Variants in SLC10A7 observed in about 807,000 individuals in gnomAD.
SLC10A7 encodes the protein sodium/bile acid cotransporter 7.
A neutral mutation model predicts 43.2 loss-of-function variants in SLC10A7; 29 were observed. That is an observed-to-expected ratio of 0.67 (90% confidence interval 0.50 to 0.92). SLC10A7 has a LOEUF of 0.92. Among genes scored for constraint, SLC10A7 ranks in the 40% least tolerant of loss-of-function variants. SLC10A7 has a pLI of 0.00. For missense variants in SLC10A7, 295 were observed against 403.2 expected (o/e 0.73, Z 2.30); for synonymous variants, 152 against 144.8 (o/e 1.05, Z -0.35).
At chr4:146,346,085 G>A (rs1320860272) in intron 5 of SLC10A7, among the ~76,000 whole-genome samples, 1 of 152,056 alleles carries the variant, frequency 6.6e-6, no homozygotes, top group Non-Finnish European at 1.5e-5. Flanking sequence ...TTGTCTTATG[G>A]ATGAAAAAGC....
intron 6 of SLC10A7, among the ~76,000 whole-genome samples, chr4:146,309,420 A>G (rs1731808222): frequency 6.6e-6 from 1 of 152,042 alleles, no homozygotes; most frequent in African/African-American, 2.4e-5. Context: ...TAAAACACAG[A>G]CTGATTTTGC....
intron 4 of SLC10A7, among the ~76,000 whole-genome samples, chr4:146,497,083 G>A (rs1230073124): frequency 6.6e-6 from 1 of 152,102 alleles, no homozygotes; most frequent in Non-Finnish European, 1.5e-5. Flanking sequence ...AGATTCTTGA[G>A]GCCCATCCAC....
chr4:146,316,294 A>T lies in SLC10A7; in HGVS notation c.471+9667T>A, dbSNP rs191630719. ...TTGAAAGCACTCTCGGTCCATGATA[A>T]TCTGAATGTTTCTGTGCCCCTAAAA... On this transcript the variant is annotated intron_variant, in intron 6 of 11. Coordinates refer to ENST00000335472, the MANE Select transcript of SLC10A7 (RefSeq NM_001029998.6). 3.9e-3 allele frequency among the ~76,000 whole-genome samples: 598 copies of T among 152,192 alleles called. 1 individual carries two copies. The highest frequency in any genetic ancestry group is 0.013 in the African/African-American group (558 of 41,542).
chr4:146,415,928 G>T (rs752719345), intron 5 of SLC10A7, among the ~76,000 whole-genome samples: 3 of 152,140 alleles, frequency 2.0e-5, no homozygotes, highest in Admixed American at 6.5e-5. Flanking sequence ...AGTGAGGAAA[G>T]CTCCCTAGCC....
chr4:146,476,865 G>A (rs1235881255), intron 4 of SLC10A7, among the ~76,000 whole-genome samples: 1 of 151,962 alleles, frequency 6.6e-6, no homozygotes, highest in Non-Finnish European at 1.5e-5. Context: ...CACAGTGGGG[G>A]AAGCCAGTAG....
intron 5 of SLC10A7, among the ~76,000 whole-genome samples, chr4:146,403,440 T>C (rs2149819710): frequency 6.6e-6 from 1 of 152,258 alleles, no homozygotes; most frequent in East Asian, 1.9e-4. Flanking sequence ...ACACTTTGCT[T>C]ATCTTGGCCA....
rs140037208 is a variant in SLC10A7 at position 146,388,632 on chromosome 4, G to T, written c.435+54151C>A. Among the ~76,000 whole-genome samples the T allele has an allele frequency of 5.0e-3, 758 of 151,958 alleles. 8 individuals are homozygous for T. The highest frequency in any genetic ancestry group is 0.017 in the African/African-American group (704 of 41,460). On this transcript the variant is annotated intron_variant, in intron 5 of 11. Coordinates refer to ENST00000335472, the MANE Select transcript of SLC10A7 (RefSeq NM_001029998.6). ...AAATTAGCTGGGCGTGGTGGTGCGC[G>T]CCTGTAGTCCCAGCTACTCAAGAGG...
chr4:146,282,655 A>G (rs1729625205), intron 10 of SLC10A7, among the ~76,000 whole-genome samples: 1 of 152,220 alleles, frequency 6.6e-6, no homozygotes, highest in African/African-American at 2.4e-5. Flanking sequence ...TGTCCATTAA[A>G]TAAATACTTA....
At chr4:146,491,081 G>A (rs1735348340) in intron 4 of SLC10A7, among the ~76,000 whole-genome samples, 1 of 152,188 alleles carries the variant, frequency 6.6e-6, no homozygotes, top group South Asian at 2.1e-4. Context: ...TGGAAGAAAA[G>A]ACTAATTCTG....
At chr4:146,429,690 C>T (rs1007667331) in intron 5 of SLC10A7, among the ~76,000 whole-genome samples, 2 of 152,088 alleles carry the variant, frequency 1.3e-5, no homozygotes, top group Non-Finnish European at 2.9e-5. Context: ...TAACCCATTA[C>T]AATCTAGATG....
rs963566585 is a variant in SLC10A7, at chr4:146,255,096, G to T, written c.*1395C>A. The T allele has an allele frequency of 6.6e-6, 1 of 152,240 alleles. No individual in the cohort carries two copies. The highest frequency in any genetic ancestry group is 2.4e-5 in the African/African-American group (1 of 41,438). 9.4% of individuals were successfully genotyped at this position (152,240 alleles called of 1,614,324 possible). A position where few individuals can be genotyped will look rare whatever the true frequency, so the allele number is the denominator to read the frequency against. On this transcript the variant is annotated 3_prime_UTR_variant, in exon 12 of 12. Coordinates refer to ENST00000335472, the MANE Select transcript of SLC10A7 (RefSeq NM_001029998.6). ...AAAACAGCTGCTGAGGACATAGCAC[G>T]GCCTCAGTGAGACCCAGGATGCCAA...
Position 146,254,074 on chromosome 4 carries a change from T to C in SLC10A7, c.*2417A>G, listed in dbSNP as rs1389743381. 1 of 152,162 alleles carries C rather than the reference T, an allele frequency of 6.6e-6. No individual in the cohort carries two copies. The highest frequency in any genetic ancestry group is 1.5e-5 in the Non-Finnish European group (1 of 68,022). 9.4% of individuals were successfully genotyped at this position (152,162 alleles called of 1,614,324 possible). A position where few individuals can be genotyped will look rare whatever the true frequency, so the allele number is the denominator to read the frequency against. On this transcript the variant is annotated 3_prime_UTR_variant, in exon 12 of 12. Transcript: ENST00000335472. Reference sequence around the variant, plus strand: ...CCACTTTATGACTTAACCAATCCTTTTGAAAAAATTTGGTATTTAGCACAA... The same window carrying C: ...CCACTTTATGACTTAACCAATCCTTCTGAAAAAATTTGGTATTTAGCACAA...
At chr4:146,437,966 A>C (rs772652683) in intron 5 of SLC10A7, among the ~76,000 whole-genome samples, 1 of 152,016 alleles carries the variant, frequency 6.6e-6, no homozygotes, top group Non-Finnish European at 1.5e-5. Flanking sequence ...TTTCCTTTTA[A>C]GATCAGGAGT....
At chr4:146,394,258 T>G (rs1018321508) in intron 5 of SLC10A7, among the ~76,000 whole-genome samples, 2 of 152,214 alleles carry the variant, frequency 1.3e-5, no homozygotes, top group African/African-American at 4.8e-5. Context: ...CCTACCTCAT[T>G]AAATCTTTTA....
Position 146,422,902 on chromosome 4 carries a change from CT to C in SLC10A7, c.435+19880del, listed in dbSNP as rs746341906. On this transcript the variant is annotated intron_variant, in intron 5 of 11. Transcript: ENST00000335472. ...ATATTTTAGCCAATCTTTACATGTCCTTTCATATATACTAATTAATATAGTG... is the reference window on the plus strand; with the variant it reads ...ATATTTTAGCCAATCTTTACATGTCCTTCATATATACTAATTAATATAGTG... Among the ~76,000 whole-genome samples, 27 of 152,052 alleles carry C rather than the reference CT, an allele frequency of 1.8e-4. 1 individual carries two copies. The highest frequency in any genetic ancestry group is 1.2e-4 in the Non-Finnish European group (8 of 67,962).
At chr4:146,398,165 G>T (rs929036988) in intron 5 of SLC10A7, among the ~76,000 whole-genome samples, 11 of 152,122 alleles carry the variant, frequency 7.2e-5, no homozygotes, top group African/African-American at 2.4e-4. Context: ...ATATTCTGTT[G>T]TGTACTAAAA....
chr4:146,350,503 G>C (rs1734994887), intron 5 of SLC10A7, among the ~76,000 whole-genome samples: 2 of 143,436 alleles, frequency 1.4e-5, no homozygotes, highest in South Asian at 2.3e-4. Flanking sequence ...AAAGCAGCCG[G>C]GAAGCTCGAA....
chr4:146,325,539 G>A (rs1733042527), intron 6 of SLC10A7, among the ~76,000 whole-genome samples: 2 of 152,158 alleles, frequency 1.3e-5, no homozygotes, highest in African/African-American at 2.4e-5. Flanking sequence ...CCCAAGGTGA[G>A]GAAGCTAGTT....
At chr4:146,350,407 A>T (rs749351774) in intron 5 of SLC10A7, among the ~76,000 whole-genome samples, 1 of 140,808 alleles carries the variant, frequency 7.1e-6, no homozygotes, top group Non-Finnish European at 1.5e-5. Flanking sequence ...GCTGATTGCT[A>T]GCACAGCAGT....
Sources: gnomAD v4.1 joint callset for allele counts (sites outside exome capture counted in the v4.1 genomes callset) on GRCh38, gnomAD v4.1.1 for gene constraint, MANE v1.5 for transcripts, NCBI Gene and HGNC (gene_info 2026-07-23, HGNC 2026-07-21) for gene names.